RNF121: variants seen among roughly 807,000 people sequenced by gnomAD.
RNF121 encodes ring finger protein 121, also known as E3 ubiquitin ligase RNF121.
Under a neutral mutation model 46.5 loss-of-function variants are expected in RNF121, and 21 were observed. The ratio of observed to expected loss-of-function variants is 0.45; its 90% CI spans 0.32 to 0.65. RNF121 has a LOEUF of 0.65. Ranked by LOEUF, RNF121 falls within the 30% of genes least tolerant of loss-of-function variation. RNF121 has a pLI of 0.04. For synonymous variants in RNF121, 139 were observed against 144.7 expected (o/e 0.96, Z 0.28); for missense variants, 346 against 416.0 (o/e 0.83, Z 1.46).
At position 71,996,666 on chromosome 11, in the gene RNF121, G is replaced by A; in HGVS notation, c.*351G>A. ...GTTTAAAGGAGCCTTCTCATCTCTG[G>A]CCGAGAACACTGCTGGGCTCCCAGG... On this transcript the variant is annotated 3_prime_UTR_variant, in exon 9 of 9. Transcript: ENST00000361756. 1 of 214,276 alleles carries A rather than the reference G, an allele frequency of 4.7e-6. No individual in the cohort carries two copies. The highest frequency in any genetic ancestry group is 9.6e-6 in the Non-Finnish European group (1 of 104,100). The allele number at this position is 214,276 out of a possible 1,614,324, so 13.3% of individuals were successfully genotyped here. A position where few individuals can be genotyped will look rare whatever the true frequency, so the allele number is the denominator to read the frequency against.
At chr11:71,972,599 C>T (rs543465322) in intron 3 of RNF121, among the ~76,000 whole-genome samples, 4 of 151,860 alleles carry the variant, frequency 2.6e-5, no homozygotes, top group Admixed American at 6.6e-5. Flanking sequence ...CTTTTTTTCT[C>T]GGGGGCTGTC....
At position 71,960,903 on chromosome 11, in the gene RNF121, T is replaced by A; in HGVS notation, c.243+12T>A. On this transcript the variant is annotated intron_variant, in intron 3 of 8. Coordinates refer to ENST00000361756, the MANE Select transcript of RNF121 (RefSeq NM_018320.5). ...CACGCTCCTACAATGTAAGCCACTT[T>A]GCCTCTTACTTCTTTGTCTGTCAGT... 6.2e-7 allele frequency: 1 copy of A among 1,612,466 alleles called. No individual in the cohort carries two copies. The highest frequency in any genetic ancestry group is 8.5e-7 in the Non-Finnish European group (1 of 1,179,044).
At position 71,952,667 on chromosome 11, in the gene RNF121, G is replaced by A. The variant is rs533331389; in HGVS notation, c.64-4560G>A. ...TTACTAAAAATACAAAAATTAGCCA[G>A]GCGTGGTGGCGCATGCCTGTAATCC... On this transcript the variant is annotated intron_variant, in intron 1 of 8. Transcript: ENST00000361756. 7.5e-4 allele frequency among the ~76,000 whole-genome samples: 114 copies of A among 152,262 alleles called. 1 individual carries two copies. The highest frequency in any genetic ancestry group is 2.7e-3 in the African/African-American group (113 of 41,554).
intron 1 of RNF121, among the ~76,000 whole-genome samples, chr11:71,946,099 A>C (rs1040238566): frequency 7.9e-5 from 12 of 152,138 alleles, no homozygotes; most frequent in African/African-American, 2.9e-4. Context: ...TAACAGAGTA[A>C]GACTCTGCCT....
intron 1 of RNF121, among the ~76,000 whole-genome samples, chr11:71,948,753 A>G (rs1953790349): frequency 6.6e-6 from 1 of 152,156 alleles, no homozygotes; most frequent in African/African-American, 2.4e-5. Context: ...TTCCACTTCA[A>G]CTTATTAGCC....
chr11:71,971,043 A>G (rs1954409278), intron 3 of RNF121, among the ~76,000 whole-genome samples: 1 of 152,232 alleles, frequency 6.6e-6, no homozygotes, highest in Non-Finnish European at 1.5e-5. Flanking sequence ...AAGGGGACTC[A>G]AGATAAAGAC....
intron 1 of RNF121, among the ~76,000 whole-genome samples, chr11:71,940,660 A>G (rs1953546232): frequency 6.6e-6 from 1 of 152,216 alleles, no homozygotes; most frequent in Non-Finnish European, 1.5e-5. Flanking sequence ...TATGCTAGAT[A>G]CTGTGCTGGG....
intron 3 of RNF121, among the ~76,000 whole-genome samples, chr11:71,965,188 CTA>C: frequency 6.6e-6 from 1 of 151,908 alleles, no homozygotes; most frequent in East Asian, 1.9e-4. Context: ...TCACCTAATA[CTA>C]TCTCTCAAAT....
intron 2 of RNF121, among the ~76,000 whole-genome samples, chr11:71,958,419 A>G (rs1427444410): frequency 2.0e-5 from 3 of 152,196 alleles, no homozygotes; most frequent in Non-Finnish European, 4.4e-5. Context: ...GTTATGGAGT[A>G]TCGGATTAGG....
At chr11:71,969,873 A>G (rs908529013) in intron 3 of RNF121, among the ~76,000 whole-genome samples, 1 of 152,198 alleles carries the variant, frequency 6.6e-6, no homozygotes, top group Admixed American at 6.5e-5. Context: ...AGCCAAAACC[A>G]CATTTTAAAA....
At chr11:71,958,402 C>T (rs1477448922) in intron 2 of RNF121, among the ~76,000 whole-genome samples, 2 of 151,964 alleles carry the variant, frequency 1.3e-5, no homozygotes, top group African/African-American at 4.8e-5. Context: ...TCAATATGTC[C>T]TTTGTTGTTA....
At chr11:71,955,612 G>A (rs551771979) in intron 1 of RNF121, among the ~76,000 whole-genome samples, 1 of 152,280 alleles carries the variant, frequency 6.6e-6, no homozygotes, top group African/African-American at 2.4e-5. Flanking sequence ...GAAGGGCATT[G>A]TAAGTACAAG....
At chr11:71,933,971 C>T (rs1953338328) in intron 1 of RNF121, among the ~76,000 whole-genome samples, 1 of 152,218 alleles carries the variant, frequency 6.6e-6, no homozygotes, top group African/African-American at 2.4e-5. Flanking sequence ...TCGTCTCTAG[C>T]TCTTTCTGGC....
intron 1 of RNF121, among the ~76,000 whole-genome samples, chr11:71,938,341 A>T (rs1186234262): frequency 2.4e-4 from 5 of 21,206 alleles, no homozygotes. Flanking sequence ...TTTTTTTGAG[A>T]CAGAGTTTCG....
intron 4 of RNF121, among the ~76,000 whole-genome samples, chr11:71,985,566 T>C (rs971666064): frequency 6.6e-6 from 1 of 152,162 alleles, no homozygotes; most frequent in African/African-American, 2.4e-5. Context: ...GACCTTTCCC[T>C]AGCCTGAGAA....
intron 3 of RNF121, among the ~76,000 whole-genome samples, chr11:71,977,873 A>G (rs1954560912): frequency 1.3e-5 from 2 of 152,166 alleles, no homozygotes; most frequent in South Asian, 2.1e-4. Flanking sequence ...CATGCTTTCC[A>G]CAGCATCAGG....
intron 3 of RNF121, among the ~76,000 whole-genome samples, chr11:71,968,571 A>G (rs1954343129): frequency 6.6e-6 from 1 of 152,220 alleles, no homozygotes; most frequent in Non-Finnish European, 1.5e-5. Context: ...TCAGTTCTAG[A>G]GAGGAGAAGC....
intron 1 of RNF121, among the ~76,000 whole-genome samples, chr11:71,956,850 T>C (rs1463721137): frequency 6.6e-6 from 1 of 152,198 alleles, no homozygotes; most frequent in Non-Finnish European, 1.5e-5. Context: ...ACACCCCAGA[T>C]TGGGTTAAAA....
At chr11:71,973,117 C>T (rs577635175) in intron 3 of RNF121, among the ~76,000 whole-genome samples, 7 of 151,216 alleles carry the variant, frequency 4.6e-5, no homozygotes, top group African/African-American at 9.7e-5. Context: ...ATCCAAGAGG[C>T]GGAGGTTGTG....
Sources: gnomAD v4.1 joint callset for allele counts (sites outside exome capture counted in the v4.1 genomes callset) on GRCh38, gnomAD v4.1.1 for gene constraint, MANE v1.5 for transcripts, NCBI Gene and HGNC (gene_info 2026-07-23, HGNC 2026-07-21) for gene names.